The following SORT1 variants were observed in gnomAD, a reference collection of about 807,000 sequenced individuals.
SORT1 encodes the protein sortilin.
In SORT1, 39 loss-of-function variants were observed where a neutral mutation model predicts 101.7. That is an observed-to-expected ratio of 0.38 (90% CI 0.30 to 0.50). The LOEUF (loss-of-function observed/expected upper bound fraction) is 0.50. Ranked by LOEUF, SORT1 falls within the 20% of genes least tolerant of loss-of-function variation. SORT1 has a pLI of 0.90. For missense variants in SORT1, 878 were observed against 1,040.4 expected (o/e 0.84, Z 2.15); for synonymous variants, 396 against 393.7 (o/e 1.01, Z -0.07).
intron 3 of SORT1, among the ~76,000 whole-genome samples, chr1:109,356,793 T>C (rs868433012): frequency 1.3e-5 from 2 of 152,220 alleles, no homozygotes; most frequent in Non-Finnish European, 2.9e-5. Flanking sequence ...CGAATCCATG[T>C]TTAGATTCTG....
chr1:109,318,443 C>A (rs1186397327), intron 15 of SORT1, among the ~76,000 whole-genome samples: 1 of 152,174 alleles, frequency 6.6e-6, no homozygotes, highest in Admixed American at 6.5e-5. Context: ...AGCCACCGTG[C>A]CCCGCCAGAG....
At chr1:109,385,364 T>C (rs1457568117) in intron 1 of SORT1, among the ~76,000 whole-genome samples, 1 of 152,188 alleles carries the variant, frequency 6.6e-6, no homozygotes, top group Non-Finnish European at 1.5e-5. Context: ...GAGAAGTATA[T>C]TAGAAAGATT....
intron 5 of SORT1, among the ~76,000 whole-genome samples, chr1:109,354,066 C>T (rs1650142269): frequency 6.6e-6 from 1 of 152,052 alleles, no homozygotes; most frequent in Admixed American, 6.6e-5. Context: ...ATGCTTGTCC[C>T]TTGTAGCACA....
At position 109,342,080 on chromosome 1, in the gene SORT1, C is replaced by T. The variant is rs1395974737; in HGVS notation, c.1042G>A (p.Glu348Lys). ...GCTGCCAGAATAGAATAGAACTGTT[C>T]CTGTCCCACGGAGGGGAGCTGGGCC... ...SMAQLPSVGQ[E>K]QFYSILAAND... The change falls in exon 9 of 20, where the codon GAA becomes AAA. Residue 348 changes from glutamate (E) to lysine (K), a missense_variant. Physicochemically the swap from Glu to Lys is moderately conservative, Grantham distance 56. Around this residue, in one of 2 missense-constraint regions of SORT1, gnomAD observed 684 missense variants for 894.5 expected, o/e 0.76. Coordinates refer to ENST00000256637, the MANE Select transcript of SORT1 (RefSeq NM_002959.7). 3 of 1,613,748 alleles carry T rather than the reference C, an allele frequency of 1.9e-6. No individual in the cohort carries two copies. Among genetic ancestry groups the T allele is most frequent in the Non-Finnish European group, 2.5e-6 (3 of 1,179,804 alleles).
intron 3 of SORT1, among the ~76,000 whole-genome samples, chr1:109,364,368 A>G (rs1354481106): frequency 6.6e-6 from 1 of 152,222 alleles, no homozygotes; most frequent in South Asian, 2.1e-4. Context: ...TTTAACAAAC[A>G]GCCTTTAAAA....
At chr1:109,369,009 G>A (rs1236466370) in intron 2 of SORT1, among the ~76,000 whole-genome samples, 2 of 152,120 alleles carry the variant, frequency 1.3e-5, no homozygotes, top group Non-Finnish European at 1.5e-5. Context: ...TCTTCCCACC[G>A]TGGAAGAAGG....
In SORT1 at chr1:109,342,800, T is replaced by C. The variant is rs534947681; in HGVS notation, c.964-642A>G. 1.1e-3 allele frequency among the ~76,000 whole-genome samples: 170 copies of C among 152,234 alleles called. 1 individual carries two copies. The highest frequency in any genetic ancestry group is 3.4e-3 in the Middle Eastern group (1 of 294). ...GAGTATTTGGCTGACGAAAAGAGTC[T>C]GTTAAGAAAGCAATTAAAACTTAAC... On this transcript the variant is annotated intron_variant, in intron 8 of 19. Transcript: ENST00000256637.
chr1:109,341,403 G>C (rs938912889), intron 9 of SORT1, among the ~76,000 whole-genome samples: 1 of 151,700 alleles, frequency 6.6e-6, no homozygotes, highest in Non-Finnish European at 1.5e-5. Context: ...CTGGAGTGCA[G>C]TGGCACGATC....
intron 1 of SORT1, among the ~76,000 whole-genome samples, chr1:109,396,599 A>C (rs1653186957): frequency 1.3e-5 from 2 of 152,232 alleles, no homozygotes; most frequent in African/African-American, 2.4e-5. Context: ...GGCAGTCCAA[A>C]GGGAGACTGA....
intron 11 of SORT1, among the ~76,000 whole-genome samples, chr1:109,333,853 G>A (rs1269252469): frequency 6.6e-6 from 1 of 152,178 alleles, no homozygotes; most frequent in Non-Finnish European, 1.5e-5. Flanking sequence ...CCTAGAAAAT[G>A]AATAACAGCA....
chr1:109,328,104 T>C (rs1005567363), intron 11 of SORT1, among the ~76,000 whole-genome samples: 1 of 152,222 alleles, frequency 6.6e-6, no homozygotes, highest in Non-Finnish European at 1.5e-5. Flanking sequence ...TGTATCTGTA[T>C]CCACACACAC....
At chr1:109,331,152 A>G (rs1648430984) in intron 11 of SORT1, among the ~76,000 whole-genome samples, 1 of 152,176 alleles carries the variant, frequency 6.6e-6, no homozygotes, top group Non-Finnish European at 1.5e-5. Context: ...AAAACCAGAC[A>G]AGGACACTAG....
At chr1:109,314,221 G>C (rs661278) in intron 19 of SORT1, 40 bp downstream of exon 19, 28 of 395,818 alleles carry the variant, frequency 7.1e-5, no homozygotes, top group Middle Eastern at 7.1e-4. Flanking sequence ...TGTATTTTTT[G>C]GGGGGGGGGG....
At chr1:109,317,008 G>C (rs1210951665) in intron 16 of SORT1, 50 bp from the exon 17 acceptor site, 1 of 1,153,192 alleles carries the variant, frequency 8.7e-7, no homozygotes, top group Non-Finnish European at 1.3e-6. Context: ...GTATTCCTGG[G>C]TACCTGCCTA....
intron 1 of SORT1, among the ~76,000 whole-genome samples, chr1:109,370,749 G>C (rs1451731793): frequency 1.3e-5 from 2 of 152,138 alleles, no homozygotes; most frequent in African/African-American, 4.8e-5. Context: ...CTTGGAAGCT[G>C]GGGAATGTAA....
intron 15 of SORT1, among the ~76,000 whole-genome samples, chr1:109,322,168 G>C (rs1206209889): frequency 2.0e-5 from 3 of 151,672 alleles, no homozygotes; most frequent in Admixed American, 2.0e-4. Context: ...AAACTCCTGA[G>C]TTTAAGCAAT....
At chr1:109,335,833 G>A (rs1050237256) in intron 11 of SORT1, among the ~76,000 whole-genome samples, 24 of 152,178 alleles carry the variant, frequency 1.6e-4, no homozygotes, top group African/African-American at 5.1e-4. Context: ...GGGAAAGGAA[G>A]GCCAGATCCT....
chr1:109,368,204 G>T (rs1651221206), intron 2 of SORT1, among the ~76,000 whole-genome samples: 1 of 148,828 alleles, frequency 6.7e-6, no homozygotes, highest in African/African-American at 2.5e-5. Flanking sequence ...TGAGGCATGA[G>T]AATTGCTTGA....
chr1:109,380,442 T>G lies in SORT1; in HGVS notation c.307-10853A>C, dbSNP rs564945767. Among the ~76,000 whole-genome samples, 28 of 152,018 alleles carry G rather than the reference T, an allele frequency of 1.8e-4. 1 individual carries two copies. Among genetic ancestry groups the G allele is most frequent in the African/African-American group, 6.3e-4 (26 of 41,478 alleles). On this transcript the variant is annotated intron_variant, in intron 1 of 19. Coordinates refer to ENST00000256637, the MANE Select transcript of SORT1 (RefSeq NM_002959.7). The stretch of plus-strand genomic sequence containing the variant: ...AATTGCAAAACACCAAAGAGAAAGC[T>G]GAAAAAAACTGGAAAAAAATATTTG...
Sources: allele counts gnomAD v4.1 joint callset (sites outside exome capture counted in the v4.1 genomes callset), GRCh38; gene constraint gnomAD v4.1.1; regional missense constraint gnomAD v4.1.1; transcripts MANE v1.5; gene names NCBI Gene and HGNC (gene_info 2026-07-23, HGNC 2026-07-21).